The following GSTA4 variants were observed in gnomAD, a reference collection of about 807,000 sequenced individuals.
GSTA4 encodes glutathione S-transferase alpha 4, also known as glutathione S-transferase A4.
GSTA4 carries 15 observed loss-of-function variants against 24.4 expected under a neutral mutation model. The observed-to-expected ratio is 0.61, with a 90% CI of 0.41 to 0.95. GSTA4 has a LOEUF of 0.95. Among genes scored for constraint, GSTA4 ranks in the 40% least tolerant of loss-of-function variants. GSTA4 has a pLI of 0.00. For missense variants in GSTA4, 244 were observed against 262.1 expected (o/e 0.93, Z 0.48); for synonymous variants, 92 against 94.2 (o/e 0.98, Z 0.13).
At chr6:52,991,321 A>G (rs1306036001) in intron 2 of GSTA4, among the ~76,000 whole-genome samples, 1 of 152,228 alleles carries the variant, frequency 6.6e-6, no homozygotes, top group Non-Finnish European at 1.5e-5. Flanking sequence ...ATCAATAGCT[A>G]GTAAAACCAC....
intron 2 of GSTA4, among the ~76,000 whole-genome samples, chr6:52,992,438 T>G (rs1763678067): frequency 6.6e-6 from 1 of 152,252 alleles, no homozygotes; most frequent in Non-Finnish European, 1.5e-5. Context: ...CTTCATGATC[T>G]GCTTCAGAAG....
chr6:52,978,041 C>T lies in GSTA4; in HGVS notation c.*429G>A, dbSNP rs7496. 0.17 allele frequency: 26,546 copies of T among 157,360 alleles called. 2,743 individuals are homozygous for T. Among genetic ancestry groups the T allele is most frequent in the Admixed American group, 0.27 (4,113 of 15,342 alleles). The allele number at this position is 157,360 out of a possible 1,614,324, so 9.7% of individuals were successfully genotyped here. On this transcript the variant is annotated 3_prime_UTR_variant, in exon 7 of 7. Transcript: ENST00000370963. ...TTACAGCTCAGAGGAGAGTCATTTACTAGACATTCGGTTGTTATTAAACAC... is the reference window on the plus strand; with the variant it reads ...TTACAGCTCAGAGGAGAGTCATTTATTAGACATTCGGTTGTTATTAAACAC...
At chr6:52,987,268 T>G (rs1763579497) in intron 3 of GSTA4, 89 bp downstream of exon 3, 4 of 796,548 alleles carry the variant, frequency 5.0e-6, no homozygotes, top group Non-Finnish European at 8.6e-6. Context: ...GAATGTTCAG[T>G]GTCATTGAAT....
intron 5 of GSTA4, among the ~76,000 whole-genome samples, chr6:52,983,607 A>G (rs2127384472): frequency 6.6e-6 from 1 of 152,300 alleles, no homozygotes; most frequent in Non-Finnish European, 1.5e-5. Flanking sequence ...ATTATGTGTA[A>G]AAGGGACAAC....
At chr6:52,993,945 A>G (rs1194473840) in intron 2 of GSTA4, 1 of 657,342 alleles carries the variant, frequency 1.5e-6, no homozygotes, top group African/African-American at 1.8e-5. Flanking sequence ...GAAGCCAATA[A>G]TTAAGTAAAA....
At chr6:52,987,200 C>T (rs897198236) in intron 3 of GSTA4, among the ~76,000 whole-genome samples, 157 bp downstream of exon 3, 1 of 152,148 alleles carries the variant, frequency 6.6e-6, no homozygotes, top group Non-Finnish European at 1.5e-5. Context: ...GAAGTGATTT[C>T]CTGGCAATTT....
At chr6:52,994,913 C>G (rs1407875865) in intron 1 of GSTA4, among the ~76,000 whole-genome samples, 3 of 152,178 alleles carry the variant, frequency 2.0e-5, no homozygotes, top group African/African-American at 4.8e-5. Context: ...GCTCGTCTTC[C>G]CCGCTCAGCC....
At chr6:52,991,045 A>G (rs907918429) in intron 2 of GSTA4, among the ~76,000 whole-genome samples, 1 of 152,256 alleles carries the variant, frequency 6.6e-6, no homozygotes, top group Admixed American at 6.5e-5. Context: ...TCATAGGCAA[A>G]AAATAAAAAC....
chr6:52,988,864 C>T (rs1464195125), intron 2 of GSTA4, among the ~76,000 whole-genome samples: 1 of 151,956 alleles, frequency 6.6e-6, no homozygotes, highest in Non-Finnish European at 1.5e-5. Context: ...ATTTATTTTG[C>T]CTTGGTGTCA....
At position 52,985,948 on chromosome 6, in the gene GSTA4, G is replaced by A. The variant is rs148418426; in HGVS notation, c.140-365C>T. Among the ~76,000 whole-genome samples the A allele has an allele frequency of 2.0e-3, 306 of 152,232 alleles. 2 individuals are homozygous for A. The highest frequency in any genetic ancestry group is 3.4e-3 in the Non-Finnish European group (233 of 68,006). On this transcript the variant is annotated intron_variant, in intron 3 of 6. Transcript: ENST00000370963. ...TGCCTGTTGTCCCAGCTACTTGGGA[G>A]GCTGAGACAGGAGAATTGCTTGAAC...
At chr6:52,991,916 C>T (rs1763669262) in intron 2 of GSTA4, among the ~76,000 whole-genome samples, 1 of 152,042 alleles carries the variant, frequency 6.6e-6, no homozygotes, top group South Asian at 2.1e-4. Context: ...GCCACCACAC[C>T]CAGCTAATTT....
chr6:52,986,365 A>G (rs901269465), intron 3 of GSTA4, among the ~76,000 whole-genome samples: 7 of 152,196 alleles, frequency 4.6e-5, no homozygotes, highest in African/African-American at 1.7e-4. Flanking sequence ...TTCACTGTAG[A>G]ATGTTCTGCT....
intron 3 of GSTA4, among the ~76,000 whole-genome samples, chr6:52,986,491 G>A (rs769715487): frequency 1.4e-4 from 21 of 152,256 alleles, no homozygotes; most frequent in South Asian, 1.0e-3. Flanking sequence ...AGAACAGACC[G>A]TTTACTACCA....
intron 3 of GSTA4, among the ~76,000 whole-genome samples, chr6:52,986,494 T>C (rs1179274775): frequency 1.3e-5 from 2 of 152,236 alleles, no homozygotes; most frequent in African/African-American, 4.8e-5. Context: ...ACAGACCGTT[T>C]ACTACCAAGT....
intron 6 of GSTA4, among the ~76,000 whole-genome samples, chr6:52,980,429 G>A (rs1366146358): frequency 6.6e-6 from 1 of 151,730 alleles, no homozygotes; most frequent in African/African-American, 2.4e-5. Flanking sequence ...CTCAGCCTCC[G>A]AGTAGCTGGG....
intron 5 of GSTA4, among the ~76,000 whole-genome samples, 179 bp from the exon 6 acceptor site, chr6:52,982,884 GGA>G (rs3063729): frequency 1.3e-4 from 20 of 148,214 alleles, no homozygotes; most frequent in South Asian, 4.3e-4. Context: ...AGAGAGAGGG[GGA>G]GAGAGAGAGA....
rs945015319 is a variant in GSTA4 at position 52,980,119 on chromosome 6, A to G, written c.547-1527T>C. ...GGGCTTAAAAAAGGGTTGTTATTATAGTATCATCAATGTAAAATACCAATA... is the reference window on the plus strand; with the variant it reads ...GGGCTTAAAAAAGGGTTGTTATTATGGTATCATCAATGTAAAATACCAATA... On this transcript the variant is annotated intron_variant, in intron 6 of 6. Coordinates refer to ENST00000370963, the MANE Select transcript of GSTA4 (RefSeq NM_001512.4). Among the ~76,000 whole-genome samples, 93 of 152,320 alleles carry G rather than the reference A, an allele frequency of 6.1e-4. 1 individual carries two copies. Among genetic ancestry groups the G allele is most frequent in the African/African-American group, 2.2e-3 (90 of 41,580 alleles).
intron 2 of GSTA4, among the ~76,000 whole-genome samples, chr6:52,989,519 T>C (rs986205939): frequency 7.9e-5 from 12 of 152,224 alleles, no homozygotes; most frequent in Non-Finnish European, 1.6e-4. Flanking sequence ...ATGTTAACAA[T>C]TGGTGAATTT....
At chr6:52,980,872 T>G (rs1763438864) in intron 6 of GSTA4, among the ~76,000 whole-genome samples, 1 of 152,152 alleles carries the variant, frequency 6.6e-6, no homozygotes, top group Non-Finnish European at 1.5e-5. Context: ...CCTAGGGTTA[T>G]TGGGGTGGGG....
Sources: allele counts gnomAD v4.1 joint callset (sites outside exome capture counted in the v4.1 genomes callset), GRCh38; gene constraint gnomAD v4.1.1; transcripts MANE v1.5; gene names NCBI Gene and HGNC (gene_info 2026-07-23, HGNC 2026-07-21).